The following POPDC1 variants were observed in gnomAD, a reference collection of about 807,000 sequenced individuals.
POPDC1 encodes popeye domain-containing protein 1.
At chr6:105,097,247 A>T in the POPDC1 span, 2 of 152,138 alleles carry the variant, frequency 1.3e-5, no homozygotes, top group Admixed American at 1.3e-4. Flanking sequence ...AATTCTTGGG[A>T]CTTTGAGTTG....
the POPDC1 span, among the ~76,000 whole-genome samples, chr6:105,135,730 T>G: frequency 0.78 from 118,748 of 151,436 alleles, 47,902 homozygotes; most frequent in Non-Finnish European, 0.87. Context: ...GAGAGAGAGA[T>G]ATATATAGAT....
At chr6:105,105,189 A>G in the POPDC1 span, among the ~76,000 whole-genome samples, 2 of 151,718 alleles carry the variant, frequency 1.3e-5, no homozygotes, top group Non-Finnish European at 2.9e-5. Context: ...TCCCCCCCCA[A>G]CTCCCTGTCC....
chr6:105,120,924 C>T, the POPDC1 span, among the ~76,000 whole-genome samples: 3 of 152,184 alleles, frequency 2.0e-5, no homozygotes, highest in East Asian at 1.9e-4. Flanking sequence ...TTGAGTTCTC[C>T]TAAGCACTAA....
the POPDC1 span, among the ~76,000 whole-genome samples, chr6:105,131,520 G>A: frequency 2.6e-5 from 4 of 151,944 alleles, no homozygotes; most frequent in South Asian, 4.2e-4. Context: ...GGCTCAAGCC[G>A]TCCTCCCACC....
chr6:105,120,430 G>A, the POPDC1 span, among the ~76,000 whole-genome samples: 2 of 152,064 alleles, frequency 1.3e-5, no homozygotes, highest in African/African-American at 4.8e-5. Context: ...CAAGCAAAGT[G>A]TATTTTTTAT....
the POPDC1 span, among the ~76,000 whole-genome samples, chr6:105,115,044 CAAAA>C: frequency 6.6e-6 from 1 of 152,164 alleles, no homozygotes; most frequent in East Asian, 1.9e-4. Context: ...AAAACCAAAG[CAAAA>C]AAATCAAACC....
chr6:105,125,800 T>C, the POPDC1 span, among the ~76,000 whole-genome samples: 1 of 152,208 alleles, frequency 6.6e-6, no homozygotes, highest in Non-Finnish European at 1.5e-5. Flanking sequence ...AGGTGGTTCA[T>C]GCCTGTAATT....
At chr6:105,122,333 C>T in the POPDC1 span, among the ~76,000 whole-genome samples, 1 of 152,188 alleles carries the variant, frequency 6.6e-6, no homozygotes, top group Non-Finnish European at 1.5e-5. Context: ...AGCTATGGCA[C>T]TATAAAATTT....
At chr6:105,103,491 G>T in the POPDC1 span, among the ~76,000 whole-genome samples, 2 of 151,812 alleles carry the variant, frequency 1.3e-5, no homozygotes, top group East Asian at 3.9e-4. Flanking sequence ...AAAAAGCCCT[G>T]GTTTCCATCA....
At chr6:105,120,122 A>G in the POPDC1 span, among the ~76,000 whole-genome samples, 7 of 16,190 alleles carry the variant, frequency 4.3e-4, 3 homozygotes, top group African/African-American at 8.4e-4. Context: ...AGCCGGGCGT[A>G]GTGGCGGGCG....
the POPDC1 span, chr6:105,136,317 G>A: frequency 6.6e-6 from 1 of 152,380 alleles, no homozygotes; most frequent in Admixed American, 6.5e-5. Flanking sequence ...TGGGTGGCGC[G>A]GACCTCGGGT....
chr6:105,103,583 C>T, the POPDC1 span, among the ~76,000 whole-genome samples: 1 of 152,056 alleles, frequency 6.6e-6, no homozygotes, highest in East Asian at 1.9e-4. Context: ...ACTCTCAGAA[C>T]AAACAATAAG....
the POPDC1 span, among the ~76,000 whole-genome samples, chr6:105,132,327 C>G: frequency 6.6e-6 from 1 of 152,202 alleles, no homozygotes; most frequent in Non-Finnish European, 1.5e-5. Flanking sequence ...CAATTTCCTT[C>G]TCTTCTGTGC....
At chr6:105,101,759 G>A in the POPDC1 span, among the ~76,000 whole-genome samples, 1,317 of 152,236 alleles carry the variant, frequency 8.7e-3, 5 homozygotes, top group Non-Finnish European at 0.011. Flanking sequence ...GCATTCAGGA[G>A]GGACAAGCCA....
the POPDC1 span, chr6:105,101,318 T>A: frequency 8.1e-7 from 1 of 1,236,828 alleles, no homozygotes; most frequent in Non-Finnish European, 1.1e-6. Flanking sequence ...ACTGTAGGAA[T>A]CTATCACTAG....
At chr6:105,113,392 C>T in the POPDC1 span, among the ~76,000 whole-genome samples, 3 of 152,218 alleles carry the variant, frequency 2.0e-5, no homozygotes, top group Non-Finnish European at 1.5e-5. Context: ...TCCAGCTTTC[C>T]ACCTGCTGTT....
At chr6:105,110,655 G>C in the POPDC1 span, among the ~76,000 whole-genome samples, 1 of 151,542 alleles carries the variant, frequency 6.6e-6, no homozygotes, top group Non-Finnish European at 1.5e-5. Flanking sequence ...GTAAAACTAG[G>C]TCATATGACA....
chr6:105,125,436 T>A, the POPDC1 span: 2 of 1,614,226 alleles, frequency 1.2e-6, no homozygotes, highest in East Asian at 2.2e-5. Flanking sequence ...TGAGGTTTTA[T>A]CCTCTGCAGC....
chr6:105,114,396 A>G, the POPDC1 span, among the ~76,000 whole-genome samples: 1 of 152,220 alleles, frequency 6.6e-6, no homozygotes, highest in Non-Finnish European at 1.5e-5. Context: ...TTTCTTTCCT[A>G]CACACCAATT....
Sources: gnomAD v4.1 joint callset for allele counts (sites outside exome capture counted in the v4.1 genomes callset) on GRCh38, gnomAD v4.1.1 for gene constraint, MANE v1.5 for transcripts, NCBI Gene and HGNC (gene_info 2026-07-23, HGNC 2026-07-21) for gene names.